The following REV1 variants were observed in gnomAD, a reference collection of about 807,000 sequenced individuals.
The protein encoded by REV1 is REV1 DNA directed polymerase.
In REV1, 42 loss-of-function variants were observed where a neutral mutation model predicts 137.4. That is an observed-to-expected ratio of 0.31 (90% CI 0.24 to 0.40). The LOEUF is 0.40. REV1 is among the 10% of genes least tolerant of loss of function. The pLI is 1.00. For missense variants in REV1, 1,282 were observed against 1,490.1 expected, an observed-to-expected ratio of 0.86 and a Z score of 2.30; for synonymous variants, 524 against 519.2, an observed-to-expected ratio of 1.01 and a Z score of -0.12.
chr2:99,463,624 ATATTT>A (rs1559392693), intron 2 of REV1, among the ~76,000 whole-genome samples: 1 of 152,036 alleles, frequency 6.6e-6, no homozygotes, highest in African/African-American at 2.4e-5. Context: ...GTCTCAGAGC[ATATTT>A]TATTTTATTT....
chr2:99,461,646 T>C (rs780522540), intron 3 of REV1, among the ~76,000 whole-genome samples: 12 of 151,168 alleles, frequency 7.9e-5, no homozygotes, highest in Middle Eastern at 3.2e-3. Context: ...CCCAAGAAAA[T>C]AGAGAAAAAT....
intron 4 of REV1, 68 bp from the exon 5 acceptor site, chr2:99,442,537 C>T (rs1250243848): frequency 7.1e-7 from 1 of 1,402,450 alleles, no homozygotes; most frequent in African/African-American, 1.4e-5. Context: ...GAAAAATATT[C>T]AATGTCCTTA....
chr2:99,439,380 C>T, intron 5 of REV1, 70 bp from the exon 6 acceptor site: 1 of 1,114,972 alleles, frequency 9.0e-7, no homozygotes, highest in African/African-American at 1.6e-5. Context: ...TTCATTTCAT[C>T]ATTTTCTTAG....
At chr2:99,410,525 G>C (rs886522757) in intron 14 of REV1, among the ~76,000 whole-genome samples, 170 bp downstream of exon 14, 1 of 152,178 alleles carries the variant, frequency 6.6e-6, no homozygotes, top group Non-Finnish European at 1.5e-5. Context: ...GAAACCAAGT[G>C]CATTAACCTA....
chr2:99,481,710 A>AC (rs576254691), intron 1 of REV1, among the ~76,000 whole-genome samples: 32 of 141,280 alleles, frequency 2.3e-4, no homozygotes, highest in East Asian at 1.8e-3. Context: ...CACACACACA[A>AC]AAATTTAAAT....
intron 12 of REV1, among the ~76,000 whole-genome samples, chr2:99,414,926 C>G (rs1677647329): frequency 6.6e-6 from 1 of 152,190 alleles, no homozygotes; most frequent in African/African-American, 2.4e-5. Flanking sequence ...AAATTATGCA[C>G]TACAGGTGCA....
chr2:99,417,402 C>T (rs1215123167), intron 12 of REV1, among the ~76,000 whole-genome samples: 1 of 152,134 alleles, frequency 6.6e-6, no homozygotes, highest in East Asian at 1.9e-4. Context: ...CCTCGGCCTC[C>T]CACAGTGCTG....
chr2:99,403,574 A>G lies in REV1; in HGVS notation c.3166+121T>C, dbSNP rs77050206. 9,395 of 1,220,352 alleles carry G rather than the reference A, an allele frequency of 7.7e-3. 52 individuals carry two copies. Among genetic ancestry groups the G allele is most frequent in the Non-Finnish European group, 8.9e-3 (7,538 of 844,912 alleles). The allele number at this position is 1,220,352 out of a possible 1,614,324, so 75.6% of individuals were successfully genotyped here. On this transcript the variant is annotated intron_variant, in intron 19 of 22. Coordinates refer to ENST00000258428, the MANE Select transcript of REV1 (RefSeq NM_016316.4). ...ACTGTATACTTCAGATATTATCCCA[A>G]TATGAAGAGCTCTTAATGCAACAGC...
intron 5 of REV1, among the ~76,000 whole-genome samples, chr2:99,442,008 C>T (rs914817192): frequency 6.6e-6 from 1 of 151,682 alleles, no homozygotes; most frequent in Non-Finnish European, 1.5e-5. Context: ...AACCCCAGCA[C>T]TTTGGGAGGC....
chr2:99,486,528 CAAAA>C (rs36112989), intron 1 of REV1, among the ~76,000 whole-genome samples: 24,310 of 145,900 alleles, frequency 0.17, 2,461 homozygotes, highest in African/African-American at 0.28. Flanking sequence ...GACTCCATCT[CAAAA>C]AAAAAAAAAA....
intron 1 of REV1, among the ~76,000 whole-genome samples, chr2:99,471,927 A>AT: frequency 6.6e-6 from 1 of 150,380 alleles, no homozygotes; most frequent in South Asian, 2.1e-4. Flanking sequence ...GTTGATAAGG[A>AT]TAGGAAGAAA....
At chr2:99,453,475 C>G (rs1330730788) in intron 3 of REV1, among the ~76,000 whole-genome samples, 1 of 152,202 alleles carries the variant, frequency 6.6e-6, no homozygotes, top group East Asian at 1.9e-4. Flanking sequence ...GCTCTCTATT[C>G]ACACAAAACA....
chr2:99,408,035 CAT>C lies in REV1; in HGVS notation c.2440_2441del (p.Met814GlufsTer14), dbSNP rs1483558003. 6.4e-7 allele frequency: 1 copy of C among 1,564,314 alleles called. No homozygotes were observed. Among genetic ancestry groups the C allele is most frequent in the Non-Finnish European group, 8.7e-7 (1 of 1,144,486 alleles). ...FHTMKLNISD[M>X]RGVGIHVNQL... ...AATGTTACTATATACTTACCCCTCT[CAT>C]ATCTGATATATTTAGTTTCATTGTA... On this transcript the variant is annotated frameshift_variant, in exon 15 of 23. Coordinates refer to ENST00000258428, the MANE Select transcript of REV1 (RefSeq NM_016316.4). LOFTEE classifies it high-confidence loss of function.
At chr2:99,424,620 G>C in intron 9 of REV1, 1 of 547,370 alleles carries the variant, frequency 1.8e-6, no homozygotes, top group Non-Finnish European at 2.8e-6. Context: ...AACCACCACA[G>C]AGCAGGAATA....
chr2:99,471,369 G>A (rs1004512455), intron 1 of REV1, among the ~76,000 whole-genome samples: 1 of 152,128 alleles, frequency 6.6e-6, no homozygotes, highest in Non-Finnish European at 1.5e-5. Context: ...AATGGTGATA[G>A]GAAAACTGGA....
intron 12 of REV1, among the ~76,000 whole-genome samples, chr2:99,416,701 C>T (rs745745968): frequency 2.0e-5 from 3 of 151,700 alleles, no homozygotes; most frequent in Non-Finnish European, 4.4e-5. Flanking sequence ...CCGAGGCGGG[C>T]GGATCATGAG....
At chr2:99,430,669 A>T (rs1679998927) in intron 8 of REV1, among the ~76,000 whole-genome samples, 2 of 152,336 alleles carry the variant, frequency 1.3e-5, no homozygotes, top group South Asian at 4.1e-4. Flanking sequence ...ATCTCTTAAT[A>T]TCCAAACCAA....
At chr2:99,443,543 C>T (rs547722346) in intron 4 of REV1, among the ~76,000 whole-genome samples, 3 of 152,170 alleles carry the variant, frequency 2.0e-5, no homozygotes, top group South Asian at 4.1e-4. Context: ...ATTCTAAAAA[C>T]GGAACTATAT....
At chr2:99,449,878 A>C (rs1256703115) in intron 3 of REV1, among the ~76,000 whole-genome samples, 1 of 152,222 alleles carries the variant, frequency 6.6e-6, no homozygotes, top group Non-Finnish European at 1.5e-5. Flanking sequence ...AAACCCATTT[A>C]TGAATCATTT....
Sources: allele counts gnomAD v4.1 joint callset (sites outside exome capture counted in the v4.1 genomes callset), GRCh38; gene constraint gnomAD v4.1.1; transcripts MANE v1.5; gene names NCBI Gene and HGNC (gene_info 2026-07-23, HGNC 2026-07-21).